The following OR4K1 variants were observed in gnomAD, a reference collection of about 807,000 sequenced individuals.
OR4K1 encodes olfactory receptor family 4 subfamily K member 1, also known as olfactory receptor 4K1.
In OR4K1, 16 loss-of-function variants were observed where a neutral mutation model predicts 14.4. The observed-to-expected ratio is 1.11, with a 90% CI of 0.75 to 1.68. The LOEUF is 1.68. OR4K1 is among the 40% of genes most tolerant of loss of function. The pLI, the probability that OR4K1 is intolerant of heterozygous loss-of-function variation, is 0.00. For missense variants in OR4K1, 548 were observed against 376.9 expected, an observed-to-expected ratio of 1.45 and a Z score of -3.76; for synonymous variants, 181 against 133.1, an observed-to-expected ratio of 1.36 and a Z score of -2.48.
Position 19,936,688 on chromosome 14 carries a change from A to G in OR4K1, c.*86A>G, listed in dbSNP as rs1313479251. 1.6e-6 allele frequency: 2 copies of G among 1,254,336 alleles called. No homozygotes were observed. Among genetic ancestry groups the G allele is most frequent in the African/African-American group, 1.5e-5 (1 of 66,802 alleles). 77.7% of individuals were successfully genotyped at this position (1,254,336 alleles called of 1,614,324 possible). On this transcript the variant is annotated 3_prime_UTR_variant, in exon 2 of 2. Transcript: ENST00000641172. ...GTCATGCCAACCATCTTTGCCAGAC[A>G]TATGGGTTATTGAGTTACAGAATTG...
chr14:19,921,743 A>G, the OR4K1 span: 5 of 742,550 alleles, frequency 6.7e-6, no homozygotes, highest in Non-Finnish European at 8.0e-6. Context: ...GTTAAATATA[A>G]AAACATGGAA....
chr14:19,921,498 G>C, the OR4K1 span: 1 of 1,613,940 alleles, frequency 6.2e-7, no homozygotes, highest in Non-Finnish European at 8.5e-7. Flanking sequence ...GAAGGCTGCC[G>C]TAAGGAAAAT....
the OR4K1 span, chr14:19,920,880 A>G: frequency 4.9e-3 from 7,928 of 1,613,534 alleles, 184 homozygotes; most frequent in African/African-American, 0.089. Context: ...ACACGAGACC[A>G]TATCTTTCAG....
At chr14:19,921,802 A>G in the OR4K1 span, 8 of 459,654 alleles carry the variant, frequency 1.7e-5, no homozygotes, top group Admixed American at 2.0e-4. Flanking sequence ...TGGGCACTAG[A>G]TGGATAATAT....
chr14:19,935,304 C>G (rs1882279337), intron 1 of OR4K1, among the ~76,000 whole-genome samples: 1 of 152,216 alleles, frequency 6.6e-6, no homozygotes, highest in Non-Finnish European at 1.5e-5. Context: ...ACTTATCTTA[C>G]CACTTTGGCA....
At chr14:19,931,817 A>G (rs1805714380) in intron 1 of OR4K1, among the ~76,000 whole-genome samples, 1 of 152,246 alleles carries the variant, frequency 6.6e-6, no homozygotes, top group Non-Finnish European at 1.5e-5. Context: ...TCAATAATGA[A>G]GAAGCTTCTG....
chr14:19,930,874 T>A (rs1165624905), upstream of OR4K1: 2 of 152,414 alleles, frequency 1.3e-5, no homozygotes, highest in Non-Finnish European at 2.9e-5. Context: ...AAAGGCTTTA[T>A]ATTGTATTGC....
chr14:19,926,705 G>T (rs1465575263), upstream of OR4K1, among the ~76,000 whole-genome samples: 5 of 152,198 alleles, frequency 3.3e-5, no homozygotes, highest in Admixed American at 6.5e-5. Flanking sequence ...CCAGTTTTCA[G>T]TGGGTCCCCG....
chr14:19,923,492 A>G, the OR4K1 span, among the ~76,000 whole-genome samples: 10 of 152,372 alleles, frequency 6.6e-5, no homozygotes, highest in South Asian at 2.1e-4. Context: ...TAATTGACAT[A>G]CAAAGATATT....
At position 19,936,649 on chromosome 14, in the gene OR4K1, C is replaced by T; in HGVS notation, c.*47C>T. The T allele has an allele frequency of 6.7e-7, 1 of 1,503,382 alleles. No homozygotes were observed. Among genetic ancestry groups the T allele is most frequent in the East Asian group, 2.3e-5 (1 of 44,236 alleles). The allele number at this position is 1,503,382 out of a possible 1,614,324, so 93.1% of individuals were successfully genotyped here. ...ATCCTGAATTAGAATGAAGACCCTC[C>T]AGTGTATCATAGTGTCATGCCAACC... On this transcript the variant is annotated 3_prime_UTR_variant, in exon 2 of 2. Coordinates refer to ENST00000641172, the MANE Select transcript of OR4K1 (RefSeq NM_001004063.3).
At chr14:19,925,788 G>A in the OR4K1 span, among the ~76,000 whole-genome samples, 2 of 152,236 alleles carry the variant, frequency 1.3e-5, no homozygotes, top group Admixed American at 6.5e-5. Flanking sequence ...AAAGGCCAAC[G>A]GGATAAAGGA....
rs12885778 is a variant in OR4K1, at chr14:19,935,932, G to A, written c.266G>A (p.Arg89His). ...PKMLVDFFIE[R>H]KTISFEGCMA... The stretch of plus-strand genomic sequence containing the variant: ...ATGCTTGTAGACTTTTTTATTGAGC[G>A]CAAGACTATCTCCTTTGAGGGTTGC... The change falls in exon 2 of 2, where the codon CGC becomes CAC. Residue 89 changes from arginine (R) to histidine (H), a missense_variant. Arg to His is a conservative substitution (Grantham distance 29). Coordinates refer to ENST00000641172, the MANE Select transcript of OR4K1 (RefSeq NM_001004063.3). The A allele has an allele frequency of 0.34, 520,316 of 1,551,790 alleles. 56,112 individuals are homozygous for A. The highest frequency in any genetic ancestry group is 0.34 in the Non-Finnish European group (388,407 of 1,133,272).
upstream of OR4K1, among the ~76,000 whole-genome samples, chr14:19,927,740 G>A (rs1223213649): frequency 6.6e-6 from 1 of 152,196 alleles, no homozygotes; most frequent in Non-Finnish European, 1.5e-5. Context: ...CCTCTGAAGG[G>A]GGGGTAGTGA....
the OR4K1 span, among the ~76,000 whole-genome samples, chr14:19,920,329 C>T: frequency 6.6e-6 from 1 of 152,192 alleles, no homozygotes; most frequent in African/African-American, 2.4e-5. Flanking sequence ...TCATTTCCTA[C>T]TGTATAAAAG....
At chr14:19,928,460 T>C (rs1882108214), upstream of OR4K1, among the ~76,000 whole-genome samples, 2 of 152,310 alleles carry the variant, frequency 1.3e-5, no homozygotes, top group Admixed American at 6.5e-5. Context: ...CTCCAATGTG[T>C]CGCTAATTCA....
At chr14:19,921,497 C>T in the OR4K1 span, 40 of 1,613,766 alleles carry the variant, frequency 2.5e-5, no homozygotes, top group Middle Eastern at 6.6e-4. Context: ...TGAAGGCTGC[C>T]GTAAGGAAAA....
chr14:19,921,622 A>G, the OR4K1 span: 12 of 1,531,160 alleles, frequency 7.8e-6, no homozygotes, highest in African/African-American at 1.4e-4. Context: ...ACTGTTTAAT[A>G]TTTTAATGTA....
chr14:19,922,628 C>G, the OR4K1 span, among the ~76,000 whole-genome samples: 5 of 150,126 alleles, frequency 3.3e-5, no homozygotes, highest in Admixed American at 2.7e-4. Flanking sequence ...GATTCAGATT[C>G]AGATTTAATC....
upstream of OR4K1, among the ~76,000 whole-genome samples, chr14:19,928,986 TAA>T (rs1215954206): frequency 6.6e-6 from 1 of 151,888 alleles, no homozygotes; most frequent in African/African-American, 2.4e-5. Context: ...TAAAAATGAT[TAA>T]GTCAATCAAT....
Sources: gnomAD v4.1 joint callset for allele counts (sites outside exome capture counted in the v4.1 genomes callset) on GRCh38, gnomAD v4.1.1 for gene constraint, MANE v1.5 for transcripts, NCBI Gene and HGNC (gene_info 2026-07-23, HGNC 2026-07-21) for gene names.